The following MMP16 variants were observed in gnomAD, a reference collection of about 807,000 sequenced individuals.
MMP16 encodes matrix metallopeptidase 16, also known as matrix metalloproteinase-16.
MMP16 carries 12 observed loss-of-function variants against 67.8 expected under a neutral mutation model. The observed-to-expected ratio is 0.18, with a 90% CI of 0.11 to 0.29. MMP16 has a LOEUF of 0.29. Ranked by LOEUF, MMP16 falls within the 10% of genes least tolerant of loss-of-function variation. The probability of loss-of-function intolerance (pLI) is 1.00; values close to 1 mark genes in which losing one functional copy is unlikely to be tolerated. For synonymous variants in MMP16, 249 were observed against 255.9 expected (o/e 0.97, Z 0.26); for missense variants, 475 against 765.7 (o/e 0.62, Z 4.48).
intron 1 of MMP16, among the ~76,000 whole-genome samples, chr8:88,231,823 TAA>T (rs902960068): frequency 6.6e-6 from 1 of 152,166 alleles, no homozygotes; most frequent in African/African-American, 2.4e-5. Flanking sequence ...GACCATTTTT[TAA>T]AAAAGTTTTT....
At chr8:88,158,589 C>T (rs1808556493) in intron 4 of MMP16, among the ~76,000 whole-genome samples, 1 of 152,100 alleles carries the variant, frequency 6.6e-6, no homozygotes, top group Admixed American at 6.6e-5. Flanking sequence ...GGGTAGATTG[C>T]AAAAATTTTC....
rs563322014 is a variant in MMP16 at position 88,035,221 on chromosome 8, T to C, written c.*6240A>G. On this transcript the variant is annotated 3_prime_UTR_variant, in exon 10 of 10. Transcript: ENST00000286614. This position sits in a 1 kb window ranked among gnomAD's most constrained non-coding sequence, Gnocchi z 4.7. ...ACCTAACATAAGTATATTTCCGTAT[T>C]TATATTTAATTGATTCTTATCCCTT... 2 of 152,188 alleles carry C rather than the reference T, an allele frequency of 1.3e-5. No homozygotes were observed. The highest frequency in any genetic ancestry group is 1.9e-4 in the East Asian group (1 of 5,188). 9.4% of individuals were successfully genotyped at this position (152,188 alleles called of 1,614,324 possible).
At position 88,034,853 on chromosome 8, in the gene MMP16, T is replaced by C. The variant is rs1370294082; in HGVS notation, c.*6608A>G. ...GCCAATGTAGCGACATACATTCATATAAAAGGTGGCAAGTACAAGCAGCAC... is the reference window on the plus strand; with the variant it reads ...GCCAATGTAGCGACATACATTCATACAAAAGGTGGCAAGTACAAGCAGCAC... On this transcript the variant is annotated 3_prime_UTR_variant, in exon 10 of 10. Transcript: ENST00000286614. 2 of 151,926 alleles carry C rather than the reference T, an allele frequency of 1.3e-5. No homozygotes were observed. The highest frequency in any genetic ancestry group is 2.9e-5 in the Non-Finnish European group (2 of 67,934). The allele number at this position is 151,926 out of a possible 1,614,324, so 9.4% of individuals were successfully genotyped here.
At chr8:88,233,664 G>A (rs546557808) in intron 1 of MMP16, among the ~76,000 whole-genome samples, 1 of 152,278 alleles carries the variant, frequency 6.6e-6, no homozygotes, top group Non-Finnish European at 1.5e-5. Flanking sequence ...GTCTGGTACT[G>A]GGCTTTTTTC....
At chr8:88,118,990 T>C in intron 4 of MMP16, 129 bp from the exon 5 acceptor site, 2 of 878,428 alleles carry the variant, frequency 2.3e-6, no homozygotes, top group Non-Finnish European at 1.7e-6. Context: ...ACTATTTGTA[T>C]GGTTTCATCA....
chr8:88,148,727 T>C (rs1808338936), intron 4 of MMP16, among the ~76,000 whole-genome samples: 1 of 130,860 alleles, frequency 7.6e-6, no homozygotes, highest in African/African-American at 3.0e-5. Flanking sequence ...CTTATCTATT[T>C]CTTTAGTAGT....
intron 4 of MMP16, among the ~76,000 whole-genome samples, chr8:88,166,660 G>C (rs1449348079): frequency 3.5e-4 from 45 of 126,872 alleles, no homozygotes; most frequent in African/African-American, 1.2e-3. Flanking sequence ...AAATGGATGA[G>C]AGACAAAAGA....
chr8:88,087,316 C>T (rs1808849974), intron 6 of MMP16, among the ~76,000 whole-genome samples: 1 of 151,896 alleles, frequency 6.6e-6, no homozygotes, highest in Non-Finnish European at 1.5e-5. Context: ...GCTTCACCTC[C>T]TCTGGGGATA....
intron 4 of MMP16, among the ~76,000 whole-genome samples, chr8:88,124,836 G>C (rs922401457): frequency 5.9e-5 from 9 of 152,040 alleles, no homozygotes; most frequent in Middle Eastern, 3.4e-3. Context: ...AGGTTCTGGC[G>C]AGGGCTCTCT....
chr8:88,141,804 C>T (rs1808215614), intron 4 of MMP16, among the ~76,000 whole-genome samples: 1 of 152,108 alleles, frequency 6.6e-6, no homozygotes, highest in South Asian at 2.1e-4. Flanking sequence ...TGAAAAACAA[C>T]ATAACAACAT....
rs568395363 is a variant in MMP16, at chr8:88,137,598, C to A, written c.710-18737G>T. 2.6e-5 allele frequency among the ~76,000 whole-genome samples: 4 copies of A among 152,130 alleles called. No homozygotes were observed. The South Asian group carries it at 8.3e-4, about 31-fold the overall frequency. On this transcript the variant is annotated intron_variant, in intron 4 of 9. Coordinates refer to ENST00000286614, the MANE Select transcript of MMP16 (RefSeq NM_005941.5). ...GTATTCAATGTGATTGGGGTTCAAA[C>A]ACTTGTTCAGTGGTGTGATGTTTTT...
intron 6 of MMP16, among the ~76,000 whole-genome samples, chr8:88,113,934 T>C (rs980345655): frequency 6.6e-6 from 1 of 151,988 alleles, no homozygotes; most frequent in Non-Finnish European, 1.5e-5. Flanking sequence ...AAAGTCTACT[T>C]TTCTTTTGAA....
At chr8:88,239,674 A>T (rs1053322493) in intron 1 of MMP16, among the ~76,000 whole-genome samples, 3 of 152,180 alleles carry the variant, frequency 2.0e-5, no homozygotes, top group African/African-American at 4.8e-5. Flanking sequence ...ATGTTTTTTA[A>T]ATATAGTCCT....
At chr8:88,306,660 C>A (rs117077233) in intron 1 of MMP16, among the ~76,000 whole-genome samples, 1 of 152,164 alleles carries the variant, frequency 6.6e-6, no homozygotes, top group Non-Finnish European at 1.5e-5. Context: ...ATCACCTACA[C>A]ACAACCAAAG....
chr8:88,243,068 T>C (rs1376642369), intron 1 of MMP16, among the ~76,000 whole-genome samples: 1 of 152,156 alleles, frequency 6.6e-6, no homozygotes, highest in African/African-American at 2.4e-5. Context: ...AGAATGTTTT[T>C]CAGGATCCCA....
At chr8:88,243,280 C>A (rs1810059837) in intron 1 of MMP16, among the ~76,000 whole-genome samples, 1 of 152,144 alleles carries the variant, frequency 6.6e-6, no homozygotes, top group Non-Finnish European at 1.5e-5. Context: ...TAGGAATCAT[C>A]CTGCCTGGCA....
chr8:88,221,396 C>T (rs1252910619), intron 1 of MMP16, among the ~76,000 whole-genome samples: 1 of 152,042 alleles, frequency 6.6e-6, no homozygotes, highest in African/African-American at 2.4e-5. Context: ...TTTTCAGCGT[C>T]TCCGTCTTCC....
At chr8:88,059,869 T>A (rs1198364162) in intron 7 of MMP16, among the ~76,000 whole-genome samples, 1 of 151,382 alleles carries the variant, frequency 6.6e-6, no homozygotes, top group Non-Finnish European at 1.5e-5. Context: ...AAATTGACTA[T>A]TTTTATATAA....
At chr8:88,090,527 G>A (rs1244300969) in intron 6 of MMP16, among the ~76,000 whole-genome samples, 3 of 151,884 alleles carry the variant, frequency 2.0e-5, no homozygotes, top group African/African-American at 7.2e-5. Context: ...AACTGAGTCA[G>A]TGAGTTACGC....
Sources: gnomAD v4.1 joint callset for allele counts (sites outside exome capture counted in the v4.1 genomes callset) on GRCh38, gnomAD v4.1.1 for gene constraint, Gnocchi (gnomAD v3.1) non-coding constraint, MANE v1.5 for transcripts, NCBI Gene and HGNC (gene_info 2026-07-23, HGNC 2026-07-21) for gene names.